CARM1: variants seen among roughly 807,000 people sequenced by gnomAD.
The protein encoded by CARM1 is coactivator associated arginine methyltransferase 1.
Under a neutral mutation model 72.7 loss-of-function variants are expected in CARM1, and 14 were observed. The observed-to-expected ratio is 0.19, with a 90% CI of 0.13 to 0.30. CARM1 has a LOEUF of 0.30. Ranked by LOEUF, CARM1 falls within the 10% of genes least tolerant of loss-of-function variation. The pLI is 1.00. For synonymous variants in CARM1, 333 were observed against 345.5 expected (o/e 0.96, Z 0.40); for missense variants, 432 against 833.7 (o/e 0.52, Z 5.93).
Position 10,916,645 on chromosome 19 carries a change from C to A in CARM1, c.939-51C>A. On this transcript the variant is annotated intron_variant, in intron 7 of 15. Coordinates refer to ENST00000327064, the MANE Select transcript of CARM1 (RefSeq NM_199141.2). The surrounding 1 kb of genome is among the most constrained non-coding windows in gnomAD (Gnocchi z 4.4). ...GGGAGAGAAGGCAGGGCTACCCCAC[C>A]TGCCTCTTCTGCAGCCCTGACCTTG... is the stretch of plus-strand genomic sequence containing the variant. 1 of 1,497,068 alleles carries A rather than the reference C, an allele frequency of 6.7e-7. No homozygotes were observed. Among genetic ancestry groups the A allele is most frequent in the Non-Finnish European group, 9.1e-7 (1 of 1,095,976 alleles). 92.7% of individuals were successfully genotyped at this position (1,497,068 alleles called of 1,614,324 possible).
chr19:10,871,871 C>T lies in CARM1; in HGVS notation c.169C>T (p.Arg57Cys). 4 of 1,270,612 alleles carry T rather than the reference C, an allele frequency of 3.1e-6. No individual in the cohort carries two copies. The highest frequency in any genetic ancestry group is 2.2e-5 in the South Asian group (1 of 44,902). The allele number at this position is 1,270,612 out of a possible 1,614,324, so 78.7% of individuals were successfully genotyped here. A position where few individuals can be genotyped will look rare whatever the true frequency, so the allele number is the denominator to read the frequency against. ...IQRHAEQQAL[R>C]LEVRAGPDSA... ...GCGGCACGCGGAGCAGCAGGCGCTGCGCCTCGAGGTGCGCGCCGGCCCGGA... is the reference window on the plus strand; with the variant it reads ...GCGGCACGCGGAGCAGCAGGCGCTGTGCCTCGAGGTGCGCGCCGGCCCGGA... The change falls in exon 1 of 16, where the codon CGC becomes TGC. Residue 57 changes from arginine (R) to cysteine (C), a missense_variant. Physicochemically the swap from Arg to Cys is radical, Grantham distance 180. Around this residue, in one of 3 missense-constraint regions of CARM1, gnomAD observed 138 missense variants for 192.3 expected, o/e 0.72. Transcript: ENST00000327064. This position sits in a 1 kb window ranked among gnomAD's most constrained non-coding sequence, Gnocchi z 5.6.
chr19:10,884,122 C>T (rs1400952712), intron 1 of CARM1, among the ~76,000 whole-genome samples: 5 of 149,246 alleles, frequency 3.4e-5, no homozygotes, highest in Non-Finnish European at 7.4e-5. Flanking sequence ...GTGGGCGGAT[C>T]ACTTGAGGTC....
chr19:10,891,472 C>T (rs1287036754), intron 1 of CARM1, among the ~76,000 whole-genome samples: 3 of 152,078 alleles, frequency 2.0e-5, no homozygotes, highest in Non-Finnish European at 4.4e-5. Flanking sequence ...CACTGAGGGC[C>T]GTGGGGTGGG....
intron 1 of CARM1, among the ~76,000 whole-genome samples, chr19:10,881,165 CTA>C (rs2073899650): frequency 6.6e-6 from 1 of 151,630 alleles, no homozygotes; most frequent in African/African-American, 2.4e-5. Context: ...GACCTTGTCT[CTA>C]AAAAAAAATG....
Position 10,896,365 on chromosome 19 carries a change from G to A in CARM1, c.221-8586G>A, listed in dbSNP as rs2074024011. Among the ~76,000 whole-genome samples, 1 of 152,020 alleles carries A rather than the reference G, an allele frequency of 6.6e-6. No individual in the cohort carries two copies. ...TGCTGCCCTGGGGGGCCAATAAGGA[G>A]GGGATGTGCAGCATGCTGACTCTAA... On this transcript the variant is annotated intron_variant, in intron 1 of 15. Transcript: ENST00000327064. The surrounding 1 kb of genome is among the most constrained non-coding windows in gnomAD (Gnocchi z 5.2).
Position 10,912,288 on chromosome 19 carries a change from C to T in CARM1, c.663C>T (p.His221=), listed in dbSNP as rs749048247. 10 of 1,612,104 alleles carry T rather than the reference C, an allele frequency of 6.2e-6. No homozygotes were observed. The highest frequency in any genetic ancestry group is 2.2e-5 in the South Asian group (2 of 91,056). Residue 221 remains histidine (H), a synonymous_variant, in exon 5 of 16, where the codon CAC becomes CAT. Coordinates refer to ENST00000327064, the MANE Select transcript of CARM1 (RefSeq NM_199141.2). This position sits in a 1 kb window ranked among gnomAD's most constrained non-coding sequence, Gnocchi z 4.5. The part of the protein sequence containing the change: ...YAVEASTMAQ[H]AEVLVKSNNL... ...TGGAGGCCAGCACCATGGCCCAGCACGCTGAGGTCAGTGGCCCGCTGGTGC... is the reference window on the plus strand; with the variant it reads ...TGGAGGCCAGCACCATGGCCCAGCATGCTGAGGTCAGTGGCCCGCTGGTGC...
chr19:10,907,848 A>C (rs2074116222), intron 2 of CARM1, among the ~76,000 whole-genome samples, 191 bp from the exon 3 acceptor site: 1 of 152,210 alleles, frequency 6.6e-6, no homozygotes, highest in African/African-American at 2.4e-5. Context: ...GTCAGTCACC[A>C]CAGTGCAGGC....
In CARM1 at chr19:10,912,377, C is replaced by T. The variant is rs1335341287; in HGVS notation, c.669+83C>T. On this transcript the variant is annotated intron_variant, in intron 5 of 15. Transcript: ENST00000327064. The surrounding 1 kb of genome is among the most constrained non-coding windows in gnomAD (Gnocchi z 4.5). ...CCCCAGCCTAGAGAAGCTTGGGAAC[C>T]CCCAGGGGCCTGGGGACATTACTTC... The T allele has an allele frequency of 1.0e-6, 1 of 987,870 alleles. No individual in the cohort carries two copies. Among genetic ancestry groups the T allele is most frequent in the Non-Finnish European group, 1.6e-6 (1 of 619,526 alleles). 61.2% of individuals were successfully genotyped at this position (987,870 alleles called of 1,614,324 possible).
chr19:10,908,820 C>T, intron 3 of CARM1: 1 of 326,996 alleles, frequency 3.1e-6, no homozygotes, highest in Non-Finnish European at 5.8e-6. Flanking sequence ...TGCCAGAACC[C>T]TGCCTGTGGC....
In CARM1 at chr19:10,912,739, G is replaced by A. The variant is rs915836063; in HGVS notation, c.669+445G>A. On this transcript the variant is annotated intron_variant, in intron 5 of 15. Coordinates refer to ENST00000327064, the MANE Select transcript of CARM1 (RefSeq NM_199141.2). The surrounding 1 kb of genome is among the most constrained non-coding windows in gnomAD (Gnocchi z 4.5). The stretch of plus-strand genomic sequence containing the variant: ...CATTCCCTGCTCTGCCTCTCCCATG[G>A]ATCTGGGGTCGCCGGGGTCGTGGAG... Among the ~76,000 whole-genome samples the A allele has an allele frequency of 8.5e-5, 13 of 152,220 alleles. No homozygotes were observed. In the South Asian group the frequency reaches 2.3e-3, roughly 27 times the overall value.
intron 2 of CARM1, among the ~76,000 whole-genome samples, chr19:10,905,406 A>C (rs1568352916): frequency 7.9e-6 from 1 of 125,906 alleles, no homozygotes; most frequent in Non-Finnish European, 1.8e-5. Flanking sequence ...CCAGCTGTGG[A>C]TGGAGTGAGG....
chr19:10,897,001 G>A (rs563199208), intron 1 of CARM1, among the ~76,000 whole-genome samples: 1 of 152,336 alleles, frequency 6.6e-6, no homozygotes, highest in African/African-American at 2.4e-5. Flanking sequence ...TCTGCTGCAA[G>A]GCAGAATAGA....
At chr19:10,877,040 C>G (rs893870073) in intron 1 of CARM1, among the ~76,000 whole-genome samples, 4 of 152,148 alleles carry the variant, frequency 2.6e-5, no homozygotes, top group Non-Finnish European at 4.4e-5. Flanking sequence ...AGAGAAAAAC[C>G]CTTTGTCCAA....
At chr19:10,893,487 C>T (rs778840350) in intron 1 of CARM1, among the ~76,000 whole-genome samples, 2 of 152,108 alleles carry the variant, frequency 1.3e-5, no homozygotes, top group Non-Finnish European at 2.9e-5. Flanking sequence ...TACAGGCACC[C>T]GCTACCACGC....
Position 10,923,051 on chromosome 19 carries a change from TAA to T in CARM1, c.*1297_*1298del, listed in dbSNP as rs2145258512. 1 of 479,108 alleles carries T rather than the reference TAA, an allele frequency of 2.1e-6. No homozygotes were observed. Among genetic ancestry groups the T allele is most frequent in the East Asian group, 3.9e-5 (1 of 25,874 alleles). The allele number at this position is 479,108 out of a possible 1,614,324, so 29.7% of individuals were successfully genotyped here. On this transcript the variant is annotated 3_prime_UTR_variant, in exon 16 of 16. Transcript: ENST00000327064. ...CTCTGAATCACCTTTGCATAGAAAATAAAAGTGTTTGCTTTGTAAGAAAAGTC... is the reference window on the plus strand; with the variant it reads ...CTCTGAATCACCTTTGCATAGAAAATAAGTGTTTGCTTTGTAAGAAAAGTC...
intron 1 of CARM1, among the ~76,000 whole-genome samples, chr19:10,890,787 A>ATTTTTTTTTTTTTTTTTTTTTTTT (rs2073980716): frequency 1.1e-5 from 1 of 94,170 alleles, no homozygotes; most frequent in African/African-American, 5.2e-5. Flanking sequence ...ATATATATAT[A>ATTTTTTTTTTTTTTTTTTTTTTTT]TATATATATT....
chr19:10,920,645 C>T lies in CARM1; in HGVS notation c.1335-14C>T, dbSNP rs774951737. The T allele has an allele frequency of 4.3e-6, 7 of 1,613,980 alleles. No homozygotes were observed. In the African/African-American group the frequency reaches 9.3e-5, roughly 22 times the overall value. On this transcript the variant is annotated splice_polypyrimidine_tract_variant and intron_variant, in intron 11 of 15. Transcript: ENST00000327064. The surrounding 1 kb of genome is among the most constrained non-coding windows in gnomAD (Gnocchi z 5.3). ...GCCCAGCAGCTCATGCCACGGCCTG[C>T]ACCCTGTCCGCAGACAGAGCTACGA...
At chr19:10,886,904 C>T (rs953774463) in intron 1 of CARM1, among the ~76,000 whole-genome samples, 7 of 152,208 alleles carry the variant, frequency 4.6e-5, no homozygotes, top group Non-Finnish European at 8.8e-5. Context: ...ATCCTCTTGC[C>T]TCAGCCTCTC....
rs2074241462 is a variant in CARM1, at chr19:10,921,051, G to A, written c.1539G>A (p.Gly513=). 6.2e-7 allele frequency: 1 copy of A among 1,614,032 alleles called. No homozygotes were observed. Among genetic ancestry groups the A allele is most frequent in the Non-Finnish European group, 8.5e-7 (1 of 1,179,970 alleles). ...YNLSSGMAVA[G]MPTAYDLSSV... is the part of the protein sequence containing the mutation. ...TGACGTCTCCCTCTCTGGACACAGG[G>A]ATGCCGACCGCCTATGACTTGAGCA... is the stretch of plus-strand genomic sequence containing the variant. Residue 513 remains glycine, a splice_region_variant and synonymous_variant, in exon 14 of 16, where the codon GGG becomes GGA. Transcript: ENST00000327064.
Sources: allele counts gnomAD v4.1 joint callset (sites outside exome capture counted in the v4.1 genomes callset), GRCh38; gene constraint gnomAD v4.1.1; regional missense constraint gnomAD v4.1.1; non-coding constraint Gnocchi (gnomAD v3.1); transcripts MANE v1.5; gene names NCBI Gene and HGNC (gene_info 2026-07-23, HGNC 2026-07-21).